SPAG16: variants seen among roughly 807,000 people sequenced by gnomAD.
SPAG16 encodes the protein sperm-associated antigen 16 protein.
In SPAG16, 86 loss-of-function variants were observed where a neutral mutation model predicts 80.4. The observed-to-expected ratio is 1.07, with a 90% CI of 0.90 to 1.28. The LOEUF is 1.28. Ranked by LOEUF, SPAG16 falls within the 50% of genes most tolerant of loss-of-function variation. The pLI is 0.00. For missense variants in SPAG16, 870 were observed against 765.3 expected (o/e 1.14, Z -1.61); for synonymous variants, 294 against 265.9 (o/e 1.11, Z -1.03).
intron 13 of SPAG16, among the ~76,000 whole-genome samples, chr2:214,041,185 G>A (rs1255953042): frequency 6.6e-6 from 1 of 150,798 alleles, no homozygotes; most frequent in Admixed American, 6.6e-5. Flanking sequence ...TCTTTTTAGT[G>A]TTTGAATTTA....
At chr2:214,217,166 A>G (rs1233078616) in intron 15 of SPAG16, among the ~76,000 whole-genome samples, 1 of 152,248 alleles carries the variant, frequency 6.6e-6, no homozygotes, top group Non-Finnish European at 1.5e-5. Flanking sequence ...TTTTAGATAT[A>G]AAAAGAGCAA....
At chr2:214,122,888 C>T (rs1031130648) in intron 14 of SPAG16, among the ~76,000 whole-genome samples, 2 of 151,842 alleles carry the variant, frequency 1.3e-5, no homozygotes, top group Non-Finnish European at 1.5e-5. Context: ...TATGTAATCT[C>T]CATTTTTATT....
At chr2:213,472,011 A>G (rs2081313) in intron 9 of SPAG16, among the ~76,000 whole-genome samples, 2 of 152,156 alleles carry the variant, frequency 1.3e-5, no homozygotes, top group Admixed American at 1.3e-4. Flanking sequence ...ATGCAAATAT[A>G]TCACCAATAA....
chr2:214,248,259 T>C (rs1689991594), intron 15 of SPAG16, among the ~76,000 whole-genome samples: 1 of 150,202 alleles, frequency 6.7e-6, no homozygotes, highest in South Asian at 2.1e-4. Context: ...ATTTACTGAA[T>C]ACCTGCTATG....
chr2:214,304,317 G>T (rs1461738988), intron 15 of SPAG16, among the ~76,000 whole-genome samples: 1 of 152,212 alleles, frequency 6.6e-6, no homozygotes, highest in Non-Finnish European at 1.5e-5. Flanking sequence ...CACACTGGAA[G>T]GTTGTGGGTT....
chr2:214,177,971 GTATATATA>G (rs34460783), intron 15 of SPAG16, among the ~76,000 whole-genome samples: 4,042 of 58,540 alleles, frequency 0.069, 101 homozygotes, highest in Non-Finnish European at 0.087. Flanking sequence ...CAAAGTGTAT[GTATATATA>G]TATATATATA....
At chr2:213,963,973 T>C (rs2044584809) in intron 12 of SPAG16, among the ~76,000 whole-genome samples, 1 of 152,122 alleles carries the variant, frequency 6.6e-6, no homozygotes, top group African/African-American at 2.4e-5. Context: ...AATTTATCCT[T>C]TCTGACAATC....
intron 12 of SPAG16, among the ~76,000 whole-genome samples, chr2:213,988,633 A>C (rs1327036344): frequency 6.6e-6 from 1 of 152,044 alleles, no homozygotes; most frequent in Non-Finnish European, 1.5e-5. Flanking sequence ...TCTTGTTTCT[A>C]TATACTAGCC....
chr2:213,788,392 A>G (rs2070476519), intron 10 of SPAG16, among the ~76,000 whole-genome samples: 1 of 151,938 alleles, frequency 6.6e-6, no homozygotes, highest in East Asian at 1.9e-4. Context: ...AACATTATGA[A>G]AACTTATGCT....
chr2:213,915,574 T>C (rs1258263785), intron 11 of SPAG16, among the ~76,000 whole-genome samples: 1 of 152,162 alleles, frequency 6.6e-6, no homozygotes, highest in African/African-American at 2.4e-5. Flanking sequence ...TTGTGAATAG[T>C]GCTGCAATAA....
At chr2:214,337,413 T>C (rs1037214082) in intron 15 of SPAG16, among the ~76,000 whole-genome samples, 11 of 152,206 alleles carry the variant, frequency 7.2e-5, no homozygotes, top group African/African-American at 2.7e-4. Context: ...GCATGTTTCA[T>C]TATTTTCTTG....
At chr2:213,703,178 A>G (rs539673979) in intron 10 of SPAG16, among the ~76,000 whole-genome samples, 4 of 152,284 alleles carry the variant, frequency 2.6e-5, no homozygotes, top group Non-Finnish European at 5.9e-5. Context: ...AATAACGGAC[A>G]TGGAGGAAGA....
At chr2:214,216,091 G>A (rs1483500788) in intron 15 of SPAG16, among the ~76,000 whole-genome samples, 1 of 152,102 alleles carries the variant, frequency 6.6e-6, no homozygotes, top group African/African-American at 2.4e-5. Context: ...AATTAGCCAA[G>A]TTTTATTTTA....
rs111641358 is a variant in SPAG16, at chr2:213,521,896, G to GT, written c.1070+31806_1070+31807insT. Among the ~76,000 whole-genome samples, 120 of 152,274 alleles carry GT rather than the reference G, an allele frequency of 7.9e-4. 2 individuals carry two copies. Among genetic ancestry groups the GT allele is most frequent in the Middle Eastern group, 3.4e-3 (1 of 294 alleles). On this transcript the variant is annotated intron_variant, in intron 10 of 15. Coordinates refer to ENST00000331683, the MANE Select transcript of SPAG16 (RefSeq NM_024532.5). ...GTTTATGCTTTTCTGCGTGCCCTGG[G>GT]AAGACTTGCATTTGTGGTCAACATC... is the stretch of plus-strand genomic sequence containing the variant.
intron 15 of SPAG16, among the ~76,000 whole-genome samples, chr2:214,267,577 A>G (rs910349661): frequency 6.6e-6 from 1 of 151,874 alleles, no homozygotes; most frequent in Non-Finnish European, 1.5e-5. Flanking sequence ...TATCCATAAC[A>G]TTGACTGGTC....
At chr2:213,952,422 A>C (rs2079837582) in intron 12 of SPAG16, among the ~76,000 whole-genome samples, 1 of 152,072 alleles carries the variant, frequency 6.6e-6, no homozygotes, top group Non-Finnish European at 1.5e-5. Flanking sequence ...TATTAAAATA[A>C]AAACATATAA....
chr2:214,229,942 G>T (rs1008209777), intron 15 of SPAG16, among the ~76,000 whole-genome samples: 1 of 151,800 alleles, frequency 6.6e-6, no homozygotes, highest in Non-Finnish European at 1.5e-5. Flanking sequence ...TATTTTTGCA[G>T]ATTCAACCTC....
At chr2:213,297,586 A>G (rs2062560887) in intron 3 of SPAG16, among the ~76,000 whole-genome samples, 1 of 143,950 alleles carries the variant, frequency 6.9e-6, no homozygotes, top group African/African-American at 2.4e-5. Context: ...CTTTGTATCA[A>G]GTGACACCTT....
chr2:213,438,578 G>A (rs2070765217), intron 9 of SPAG16, among the ~76,000 whole-genome samples: 1 of 152,226 alleles, frequency 6.6e-6, no homozygotes, highest in South Asian at 2.1e-4. Flanking sequence ...TACAGAAGAT[G>A]TTTACTACTG....
Sources: gnomAD v4.1 joint callset for allele counts (sites outside exome capture counted in the v4.1 genomes callset) on GRCh38, gnomAD v4.1.1 for gene constraint, MANE v1.5 for transcripts, NCBI Gene and HGNC (gene_info 2026-07-23, HGNC 2026-07-21) for gene names.